The following CEP131 variants were observed in gnomAD, a reference collection of about 807,000 sequenced individuals.
CEP131 encodes the protein centrosomal protein 131.
A neutral mutation model predicts 136.8 loss-of-function variants in CEP131; 99 were observed. That is an observed-to-expected ratio of 0.72 (90% CI 0.62 to 0.86). The LOEUF is 0.86. Ranked by LOEUF, CEP131 falls within the 40% of genes least tolerant of loss-of-function variation. The pLI is 0.00. For missense variants in CEP131, 1,459 were observed against 1,463.0 expected, an observed-to-expected ratio of 1.00 and a Z score of 0.04; for synonymous variants, 646 against 612.7, an observed-to-expected ratio of 1.05 and a Z score of -0.80.
At chr17:81,194,173 C>G in intron 17 of CEP131, 46 bp from the exon 18 acceptor site, 3 of 1,446,258 alleles carry the variant, frequency 2.1e-6, no homozygotes, top group Non-Finnish European at 1.8e-6. Context: ...TAGGGTGGGC[C>G]CGGGAAGTCC....
intron 5 of CEP131, among the ~76,000 whole-genome samples, chr17:81,204,647 T>C (rs1017183931): frequency 6.6e-6 from 1 of 151,772 alleles, no homozygotes; most frequent in Non-Finnish European, 1.5e-5. Flanking sequence ...GGAATGAGGA[T>C]AAGCAGAGAG....
intron 6 of CEP131, 22 bp from the exon 7 acceptor site, chr17:81,202,420 C>CT: frequency 6.2e-7 from 1 of 1,608,622 alleles, no homozygotes; most frequent in Non-Finnish European, 8.5e-7. Flanking sequence ...GAAGAAAACA[C>CT]CCTCGTCTCA....
intron 19 of CEP131, 51 bp downstream of exon 19, chr17:81,192,685 G>GGGGGGGGGCC: frequency 4.2e-6 from 2 of 478,436 alleles, no homozygotes; most frequent in Non-Finnish European, 8.1e-6. Context: ...GGGGGGAGGG[G>GGGGGGGGGCC]TCAGCCAGCG....
chr17:81,205,087 C>T (rs1244647142), intron 5 of CEP131, among the ~76,000 whole-genome samples: 3 of 151,762 alleles, frequency 2.0e-5, no homozygotes, highest in African/African-American at 7.3e-5. Flanking sequence ...AGCGAAACCC[C>T]GTCTCTACTA....
rs770851022 is a variant in CEP131, at chr17:81,197,771, T to C, written c.1588A>G (p.Met530Val). The C allele has an allele frequency of 6.2e-7, 1 of 1,613,208 alleles. No individual in the cohort carries two copies. Among genetic ancestry groups the C allele is most frequent in the South Asian group, 1.1e-5 (1 of 91,088 alleles). Reference protein sequence around the residue: ...LLSEAKLQSIMSFLDEMEKSG... With the variant: ...LLSEAKLQSIVSFLDEMEKSG... ...TTCTCCATCTCGTCCAAGAAGCTCA[T>C]GATGCTTTGTAGCTTGGCCTCCGAT... is the stretch of plus-strand genomic sequence containing the variant. Residue 530 changes from methionine (M) to valine (V), a missense_variant, in exon 13 of 26, where the codon ATG becomes GTG. Coordinates refer to ENST00000450824, the MANE Select transcript of CEP131 (RefSeq NM_014984.4).
At chr17:81,196,619 T>C (rs962809435) in intron 15 of CEP131, 82 bp downstream of exon 15, 5 of 1,514,652 alleles carry the variant, frequency 3.3e-6, no homozygotes, top group African/African-American at 2.8e-5. Flanking sequence ...AGAAGCTCCC[T>C]GGCAGTGGGA....
intron 8 of CEP131, 38 bp downstream of exon 8, chr17:81,200,291 C>T (rs1372817556): frequency 1.3e-6 from 2 of 1,530,188 alleles, no homozygotes. Flanking sequence ...GCCAGACCCC[C>T]CGGGGGAGCA....
Position 81,198,123 on chromosome 17 carries a change from C to A in CEP131, c.1462G>T (p.Ala488Ser). ...GCGCACACCGTGGTCACCTCGCTGGCCCAGGCGTATCTGCCCCTGTGATGG... is the reference window on the plus strand; with the variant it reads ...GCGCACACCGTGGTCACCTCGCTGGACCAGGCGTATCTGCCCCTGTGATGG... ...RTHHRGRYAW[A>S]SEEDDASSLT... Residue 488 changes from alanine (A) to serine (S), a missense_variant, in exon 12 of 26, where the codon GCC becomes TCC. Ala to Ser is a moderately conservative substitution (Grantham distance 99, BLOSUM62 1). Coordinates refer to ENST00000450824, the MANE Select transcript of CEP131 (RefSeq NM_014984.4). 6.4e-7 allele frequency: 1 copy of A among 1,564,374 alleles called. No individual in the cohort carries two copies. Among genetic ancestry groups the A allele is most frequent in the Non-Finnish European group, 8.7e-7 (1 of 1,155,358 alleles).
chr17:81,193,871 TTCCGAC>T lies in CEP131; in HGVS notation c.2321+49_2321+54del, dbSNP rs2061695107. The T allele has an allele frequency of 3.2e-5, 49 of 1,513,126 alleles. 1 individual carries two copies. In the South Asian group the frequency reaches 5.1e-4, roughly 16 times the overall value. 93.7% of individuals were successfully genotyped at this position (1,513,126 alleles called of 1,614,324 possible). ...GGAACTCCACTCCAGCCTTCGAGGA[TTCCGAC>T]TCCCCGCCCTGAGGGTCCTGGCCCC... On this transcript the variant is annotated intron_variant, in intron 18 of 25. Coordinates refer to ENST00000450824, the MANE Select transcript of CEP131 (RefSeq NM_014984.4).
chr17:81,219,797 G>A lies in CEP131; in HGVS notation c.177+83C>T, dbSNP rs2062343861. ...GATGTGAGGCACTTGTTCACCTGTG[G>A]AGCTGGACCCAGGGGTCAGATGCCA... On this transcript the variant is annotated intron_variant, in intron 2 of 25. Coordinates refer to ENST00000450824, the MANE Select transcript of CEP131 (RefSeq NM_014984.4). The surrounding 1 kb of genome is among the most constrained non-coding windows in gnomAD (Gnocchi z 4.0). 5 of 1,390,242 alleles carry A rather than the reference G, an allele frequency of 3.6e-6. No homozygotes were observed. In the African/African-American group the frequency reaches 7.4e-5, roughly 21 times the overall value. 86.1% of individuals were successfully genotyped at this position (1,390,242 alleles called of 1,614,324 possible).
rs553654448 is a variant in CEP131, at chr17:81,215,066, C to T, written c.177+4814G>A. Among the ~76,000 whole-genome samples the T allele has an allele frequency of 5.9e-5, 9 of 151,852 alleles. No individual in the cohort carries two copies. Among genetic ancestry groups the T allele is most frequent in the Admixed American group, 1.3e-4 (2 of 15,228 alleles). ...TGCTGGGATTACAGGCATGAGCCACCGCGCCTGGCCAAAAATTTACAATTT... is the reference window on the plus strand; with the variant it reads ...TGCTGGGATTACAGGCATGAGCCACTGCGCCTGGCCAAAAATTTACAATTT... On this transcript the variant is annotated intron_variant, in intron 2 of 25. Transcript: ENST00000450824. This position sits in a 1 kb window ranked among gnomAD's most constrained non-coding sequence, Gnocchi z 4.1.
At chr17:81,191,369 C>A in intron 21 of CEP131, 34 bp from the exon 22 acceptor site, 1 of 1,611,016 alleles carries the variant, frequency 6.2e-7, no homozygotes, top group Non-Finnish European at 8.5e-7. Flanking sequence ...GGGTTGCCAC[C>A]CGGAGCCGGC....
chr17:81,190,725 G>C lies in CEP131; in HGVS notation c.3021C>G (p.Ala1007=). 6.2e-7 allele frequency: 1 copy of C among 1,610,864 alleles called. No individual in the cohort carries two copies. Among genetic ancestry groups the C allele is most frequent in the Non-Finnish European group, 8.5e-7 (1 of 1,179,348 alleles). ...TGGCCTGCCGCGTCTCCTCCTCAGA[G>C]GCTGCCAGCCGGTCCTCGAACTCCT... ...IRQEFEDRLA[A]SEEETRQAKA... Residue 1007 remains alanine (A), a synonymous_variant, in exon 24 of 26, where the codon GCC becomes GCG. Coordinates refer to ENST00000450824, the MANE Select transcript of CEP131 (RefSeq NM_014984.4).
chr17:81,200,254 C>T (rs959586654), intron 8 of CEP131, 75 bp downstream of exon 8: 35 of 1,192,738 alleles, frequency 2.9e-5, no homozygotes, highest in Non-Finnish European at 3.8e-5. Flanking sequence ...CCACCTGTCC[C>T]AGAAACTCAA....
chr17:81,203,697 G>A lies in CEP131; in HGVS notation c.516-90C>T, dbSNP rs933562763. 34 of 1,008,308 alleles carry A rather than the reference G, an allele frequency of 3.4e-5. No individual in the cohort carries two copies. Among genetic ancestry groups the A allele is most frequent in the Non-Finnish European group, 4.6e-5 (31 of 680,610 alleles). The allele number at this position is 1,008,308 out of a possible 1,614,324, so 62.5% of individuals were successfully genotyped here. A position where few individuals can be genotyped will look rare whatever the true frequency, so the allele number is the denominator to read the frequency against. ...CTACACTCGCAGCACGGGCTGGGAG[G>A]GAACAAAGGCCTTCAGTGCTTGCTA... On this transcript the variant is annotated intron_variant, in intron 5 of 25. Transcript: ENST00000450824. The surrounding 1 kb of genome is among the most constrained non-coding windows in gnomAD (Gnocchi z 4.6).
rs1240472825 is a variant in CEP131 at position 81,219,994 on chromosome 17, A to T, written c.63T>A (p.Ser21Arg). 4 of 1,611,988 alleles carry T rather than the reference A, an allele frequency of 2.5e-6. No homozygotes were observed. Among genetic ancestry groups the T allele is most frequent in the Non-Finnish European group, 3.4e-6 (4 of 1,179,368 alleles). Residue 21 changes from serine to arginine, a missense_variant, in exon 2 of 26, where the codon AGT becomes AGA. Around this residue, in one of 3 missense-constraint regions of CEP131, gnomAD observed 187 missense variants for 179.9 expected, o/e 1.04. Coordinates refer to ENST00000450824, the MANE Select transcript of CEP131 (RefSeq NM_014984.4). This position sits in a 1 kb window ranked among gnomAD's most constrained non-coding sequence, Gnocchi z 4.0. ...ACACAGGCGGAGGGAGACCTGTCAG[A>T]CTCAGGTCCACACCTGCTGGGCTGC... Reference protein sequence around the residue: ...PERSPAGVDLSLTGLPPPVSR... With the variant: ...PERSPAGVDLRLTGLPPPVSR...
rs1410918163 is a variant in CEP131 at position 81,191,091 on chromosome 17, G to A, written c.2766-7C>T. On this transcript the variant is annotated splice_polypyrimidine_tract_variant and splice_region_variant and intron_variant, in intron 22 of 25. Coordinates refer to ENST00000450824, the MANE Select transcript of CEP131 (RefSeq NM_014984.4). ...GTCCCGTAAGCGCTTGATGCTGGAG[G>A]TGGGGGGAGGGCAGGGTCACTCCAG... 4 of 1,600,250 alleles carry A rather than the reference G, an allele frequency of 2.5e-6. No individual in the cohort carries two copies. The highest frequency in any genetic ancestry group is 2.7e-5 in the African/African-American group (2 of 74,650).
chr17:81,199,397 G>A lies in CEP131; in HGVS notation c.1176C>T (p.Leu392=), dbSNP rs777544312. The A allele has an allele frequency of 1.7e-5, 28 of 1,604,480 alleles. No homozygotes were observed. Among genetic ancestry groups the A allele is most frequent in the Non-Finnish European group, 8.5e-7 (1 of 1,177,374 alleles). Residue 392 remains leucine, a synonymous_variant, in exon 10 of 26, where the codon CTC becomes CTT. Transcript: ENST00000450824. ...PTPGGTAHQA[L]KANNTGGGLP... Reference sequence around the variant, plus strand: ...CACTCTCACCAGTATTGTTGGCCTTGAGGGCCTGGTGGGCAGTGCCGCCTG... The same window carrying A: ...CACTCTCACCAGTATTGTTGGCCTTAAGGGCCTGGTGGGCAGTGCCGCCTG...
chr17:81,202,214 C>A (rs370160042), intron 7 of CEP131, 26 bp downstream of exon 7: 16 of 1,544,614 alleles, frequency 1.0e-5, no homozygotes, highest in Admixed American at 5.5e-5. Context: ...GCTCAGGCCC[C>A]CCCCCACCGC....
Sources: allele counts gnomAD v4.1 joint callset (sites outside exome capture counted in the v4.1 genomes callset), GRCh38; gene constraint gnomAD v4.1.1; regional missense constraint gnomAD v4.1.1; non-coding constraint Gnocchi (gnomAD v3.1); transcripts MANE v1.5; gene names NCBI Gene and HGNC (gene_info 2026-07-23, HGNC 2026-07-21).